Variants in SDK1 observed in about 807,000 individuals in gnomAD.
SDK1 encodes sidekick cell adhesion molecule 1.
In SDK1, 157 loss-of-function variants were observed where a neutral mutation model predicts 245.5. That is an observed-to-expected ratio of 0.64 (90% CI 0.56 to 0.73). The LOEUF is 0.73. Among genes scored for constraint, SDK1 ranks in the 30% least tolerant of loss-of-function variants. SDK1 has a pLI of 0.00. For missense variants in SDK1, 3,583 were observed against 3,002.3 expected (o/e 1.19, Z -4.52); for synonymous variants, 1,647 against 1,278.5 (o/e 1.29, Z -6.15).
intron 1 of SDK1, among the ~76,000 whole-genome samples, chr7:3,595,879 A>G (rs1403497527): frequency 6.7e-6 from 1 of 148,258 alleles, no homozygotes; most frequent in Non-Finnish European, 1.5e-5. Context: ...AGGAGGTTAC[A>G]GTCTGTTTAT....
chr7:4,123,619 T>C (rs1784205551), intron 25 of SDK1, among the ~76,000 whole-genome samples: 2 of 152,204 alleles, frequency 1.3e-5, no homozygotes, highest in South Asian at 4.1e-4. Context: ...GTGACACCTC[T>C]CTACTCAAAT....
intron 7 of SDK1, chr7:3,958,350 G>A (rs1043495125): frequency 1.2e-5 from 3 of 259,056 alleles, no homozygotes; most frequent in Admixed American, 5.2e-5. Flanking sequence ...CGGAACGGGC[G>A]AGTGGAGTAT....
chr7:3,543,657 G>C (rs1288438826), intron 1 of SDK1, among the ~76,000 whole-genome samples: 1 of 152,230 alleles, frequency 6.6e-6, no homozygotes, highest in South Asian at 2.1e-4. Context: ...TCAGCAGGCA[G>C]AGCGCTGGGT....
In SDK1 at chr7:4,130,001, A is replaced by T; in HGVS notation, c.4033A>T (p.Lys1345Ter). 6.2e-7 allele frequency: 1 copy of T among 1,613,616 alleles called. No homozygotes were observed. The highest frequency in any genetic ancestry group is 1.1e-5 in the South Asian group (1 of 91,062). Residue 1345 changes from lysine to a stop codon, truncating the protein, a stop_gained, in exon 27 of 45, where the codon AAG becomes TAG. Coordinates refer to ENST00000404826, the MANE Select transcript of SDK1 (RefSeq NM_152744.4). LOFTEE classifies it high-confidence loss of function. ...TQSALLAGLR[K>*]FVLYELQVLA... ...GTCGGCCCTGCTGGCAGGCCTGCGC[A>T]AGTTCGTGCTCTACGAGCTCCAGGT...
rs544166424 is a variant in SDK1 at position 3,994,512 on chromosome 7, C to T, written c.2131+7190C>T. Among the ~76,000 whole-genome samples, 5 of 151,970 alleles carry T rather than the reference C, an allele frequency of 3.3e-5. No homozygotes were observed. In the East Asian group the frequency reaches 7.8e-4, roughly 24 times the overall value. On this transcript the variant is annotated intron_variant, in intron 14 of 44. Transcript: ENST00000404826. Reference sequence around the variant, plus strand: ...AAAAAATTAGCCAGGTGTGGTGGCTCATGCCTATAATCCCAGCTACTCAGG... The same window carrying T: ...AAAAAATTAGCCAGGTGTGGTGGCTTATGCCTATAATCCCAGCTACTCAGG...
At chr7:4,163,361 A>G (rs1207098780) in intron 32 of SDK1, among the ~76,000 whole-genome samples, 2 of 152,180 alleles carry the variant, frequency 1.3e-5, no homozygotes, top group African/African-American at 2.4e-5. Context: ...AAGTCAGGAG[A>G]AAATCAAGAG....
intron 5 of SDK1, among the ~76,000 whole-genome samples, chr7:3,925,444 C>T (rs575981296): frequency 3.4e-4 from 52 of 152,324 alleles, no homozygotes; most frequent in African/African-American, 1.2e-3. Context: ...GCAAAAGCGA[C>T]GGCGTTTCTA....
At chr7:3,922,630 G>T (rs1488059388) in intron 5 of SDK1, among the ~76,000 whole-genome samples, 1 of 152,090 alleles carries the variant, frequency 6.6e-6, no homozygotes, top group African/African-American at 2.4e-5. Flanking sequence ...TCTAGTTTTG[G>T]GATTTTCATT....
chr7:4,094,823 A>G (rs577420435), intron 22 of SDK1, among the ~76,000 whole-genome samples: 2 of 152,332 alleles, frequency 1.3e-5, no homozygotes, highest in East Asian at 1.9e-4. Context: ...GTAAGGATCC[A>G]TAAAGGCAGA....
At chr7:3,985,462 G>A (rs146489902) in intron 13 of SDK1, among the ~76,000 whole-genome samples, 2 of 152,282 alleles carry the variant, frequency 1.3e-5, no homozygotes, top group East Asian at 1.9e-4. Flanking sequence ...CGCCTCTAAT[G>A]GAGATTCGGT....
At chr7:3,322,640 C>CT (rs1301907722) in intron 1 of SDK1, among the ~76,000 whole-genome samples, 1 of 152,160 alleles carries the variant, frequency 6.6e-6, no homozygotes, top group East Asian at 1.9e-4. Context: ...ACTTACTTTC[C>CT]TTTTTTAAAA....
intron 5 of SDK1, among the ~76,000 whole-genome samples, chr7:3,889,227 T>A (rs1781401716): frequency 6.6e-6 from 1 of 152,230 alleles, no homozygotes; most frequent in African/African-American, 2.4e-5. Context: ...GGATTCCTAA[T>A]ACTTCTTTAT....
intron 25 of SDK1, among the ~76,000 whole-genome samples, chr7:4,126,848 G>A (rs1349254697): frequency 6.6e-6 from 1 of 152,188 alleles, no homozygotes; most frequent in Non-Finnish European, 1.5e-5. Flanking sequence ...AAGGGGTAAC[G>A]ATACCTACTT....
At chr7:3,507,309 G>A (rs551263128) in intron 1 of SDK1, among the ~76,000 whole-genome samples, 10 of 152,248 alleles carry the variant, frequency 6.6e-5, no homozygotes, top group South Asian at 2.1e-4. Flanking sequence ...ACCTGTATGC[G>A]GATTTCTGGA....
At position 3,971,971 on chromosome 7, in the gene SDK1, G is replaced by A. The variant is rs370760502; in HGVS notation, c.1817+403G>A. The stretch of plus-strand genomic sequence containing the variant: ...TCTTTACTCTCGGGATAGTTTCATC[G>A]TGAAATGGAGGGGGAGGGAGTCCTG... On this transcript the variant is annotated intron_variant, in intron 12 of 44. Transcript: ENST00000404826. Among the ~76,000 whole-genome samples, 11 of 152,134 alleles carry A rather than the reference G, an allele frequency of 7.2e-5. No individual in the cohort carries two copies. The East Asian group carries it at 9.7e-4, about 13-fold the overall frequency.
At chr7:4,193,440 C>A (rs1783360072) in intron 35 of SDK1, among the ~76,000 whole-genome samples, 1 of 142,430 alleles carries the variant, frequency 7.0e-6, no homozygotes, top group African/African-American at 2.7e-5. Context: ...AGCACAAGGA[C>A]CAACAATAGG....
intron 1 of SDK1, among the ~76,000 whole-genome samples, chr7:3,389,183 C>G (rs1349350068): frequency 1.3e-5 from 2 of 152,044 alleles, no homozygotes; most frequent in Non-Finnish European, 2.9e-5. Context: ...AATGTTACCC[C>G]AATGATGTCC....
At chr7:4,112,550 A>G (rs555868355) in intron 23 of SDK1, among the ~76,000 whole-genome samples, 1 of 152,158 alleles carries the variant, frequency 6.6e-6, no homozygotes, top group East Asian at 1.9e-4. Context: ...ACATCCTGAT[A>G]TTCCAATTCT....
At chr7:4,027,377 G>C (rs1165403110) in intron 17 of SDK1, among the ~76,000 whole-genome samples, 1 of 152,200 alleles carries the variant, frequency 6.6e-6, no homozygotes, top group Non-Finnish European at 1.5e-5. Flanking sequence ...TGATTTTACA[G>C]CATTCTCAGT....
Sources: gnomAD v4.1 joint callset for allele counts (sites outside exome capture counted in the v4.1 genomes callset) on GRCh38, gnomAD v4.1.1 for gene constraint, MANE v1.5 for transcripts, NCBI Gene and HGNC (gene_info 2026-07-23, HGNC 2026-07-21) for gene names.